The following IARS1 variants were observed in gnomAD, a reference collection of about 807,000 sequenced individuals.
IARS1 encodes isoleucyl-tRNA synthetase 1.
Under a neutral mutation model 168.2 loss-of-function variants are expected in IARS1, and 124 were observed. The ratio of observed to expected loss-of-function variants is 0.74; its 90% CI spans 0.64 to 0.86. The LOEUF (loss-of-function observed/expected upper bound fraction) is 0.86. Ranked by LOEUF, IARS1 falls within the 40% of genes least tolerant of loss-of-function variation. The probability of loss-of-function intolerance (pLI) is 0.00; values close to 1 mark genes in which losing one functional copy is unlikely to be tolerated. For synonymous variants in IARS1, 532 were observed against 529.4 expected (o/e 1.00, Z -0.07); for missense variants, 1,452 against 1,515.8 (o/e 0.96, Z 0.70).
chr9:92,222,839 C>T (rs1839868279), intron 32 of IARS1, among the ~76,000 whole-genome samples, 167 bp from the exon 33 acceptor site: 4 of 150,650 alleles, frequency 2.7e-5, no homozygotes, highest in Admixed American at 2.6e-4. Flanking sequence ...CAGCTCTCAA[C>T]ATTTCATAGA....
At chr9:92,240,072 A>G (rs1157007329) in intron 30 of IARS1, among the ~76,000 whole-genome samples, 1 of 152,058 alleles carries the variant, frequency 6.6e-6, no homozygotes, top group East Asian at 1.9e-4. Context: ...TACTACTTTT[A>G]GGTCACTTGG....
chr9:92,269,788 A>C (rs1436390326), intron 13 of IARS1, 97 bp downstream of exon 13: 11 of 765,518 alleles, frequency 1.4e-5, no homozygotes, highest in Non-Finnish European at 2.3e-5. Context: ...ACCCAATAAA[A>C]GATGGGTTAT....
At chr9:92,277,648 C>G (rs1326264540) in intron 9 of IARS1, among the ~76,000 whole-genome samples, 2 of 149,474 alleles carry the variant, frequency 1.3e-5, no homozygotes, top group African/African-American at 5.0e-5. Context: ...GCACTCCAGC[C>G]TGGGGGACAG....
intron 33 of IARS1, among the ~76,000 whole-genome samples, chr9:92,221,168 T>C (rs1447543869): frequency 6.6e-6 from 1 of 151,954 alleles, no homozygotes. Flanking sequence ...ATCCAGAATG[T>C]AGTATATAAG....
intron 33 of IARS1, among the ~76,000 whole-genome samples, chr9:92,212,304 G>A (rs1837893157): frequency 6.6e-6 from 1 of 152,054 alleles, no homozygotes. Context: ...TGAAAACGAA[G>A]CTATAGATAC....
chr9:92,236,807 T>C (rs145216558), intron 30 of IARS1, among the ~76,000 whole-genome samples: 1 of 152,204 alleles, frequency 6.6e-6, no homozygotes, highest in South Asian at 2.1e-4. Context: ...TGAGTTGGCA[T>C]CACTGCACTG....
intron 19 of IARS1, among the ~76,000 whole-genome samples, chr9:92,258,192 GCTCT>G (rs914130914): frequency 1.3e-5 from 2 of 152,276 alleles, no homozygotes; most frequent in Non-Finnish European, 2.9e-5. Flanking sequence ...TTCACTGGGT[GCTCT>G]CTCTAAAAGT....
intron 18 of IARS1, 59 bp downstream of exon 18, chr9:92,260,092 T>C (rs41312194): frequency 0.021 from 22,875 of 1,094,404 alleles, 332 homozygotes; most frequent in Non-Finnish European, 0.024. Flanking sequence ...ATTAATAGTA[T>C]AGGAGATGCT....
intron 7 of IARS1, among the ~76,000 whole-genome samples, chr9:92,279,227 C>A (rs1402249428): frequency 1.3e-5 from 2 of 151,642 alleles, no homozygotes; most frequent in Non-Finnish European, 2.9e-5. Context: ...CACTCCCTAG[C>A]TCTGACCTCA....
chr9:92,265,069 G>A lies in IARS1; in HGVS notation c.1560C>T (p.Ile520=), dbSNP rs1449290480. The change falls in exon 16 of 34, where the codon ATC becomes ATT. Residue 520 remains isoleucine (I), a synonymous_variant. Coordinates refer to ENST00000443024, the MANE Select transcript of IARS1 (RefSeq NM_002161.6). ...CAAACCAACAGTCAAACACTTCAGA[G>A]ATGCGGTGCAAGGATCCCTTCCCAC... ...SRCGKGSLHR[I]SEVFDCWFES... The A allele has an allele frequency of 1.2e-6, 2 of 1,614,146 alleles. No homozygotes were observed. Among genetic ancestry groups the A allele is most frequent in the Non-Finnish European group, 1.7e-6 (2 of 1,180,028 alleles).
chr9:92,210,601 T>C lies in IARS1; in HGVS notation c.*206A>G. 1 of 497,140 alleles carries C rather than the reference T, an allele frequency of 2.0e-6. No homozygotes were observed. The highest frequency in any genetic ancestry group is 3.6e-6 in the Non-Finnish European group (1 of 274,830). 30.8% of individuals were successfully genotyped at this position (497,140 alleles called of 1,614,324 possible). ...CCTGCTCCCAACATGACTGCATAGG[T>C]GTCTAAGGTTAAGTGTGAAGATTAC... On this transcript the variant is annotated 3_prime_UTR_variant, in exon 34 of 34. Coordinates refer to ENST00000443024, the MANE Select transcript of IARS1 (RefSeq NM_002161.6).
At chr9:92,269,330 T>A (rs1229339417) in intron 13 of IARS1, among the ~76,000 whole-genome samples, 3 of 152,160 alleles carry the variant, frequency 2.0e-5, no homozygotes, top group Non-Finnish European at 2.9e-5. Flanking sequence ...TCATCTGAAA[T>A]ACACAGGTTC....
chr9:92,269,913 G>C lies in IARS1; in HGVS notation c.1276C>G (p.Leu426Val). Residue 426 changes from leucine to valine, a missense_variant, in exon 13 of 34, where the codon CTC becomes GTC. By Grantham distance (32) the Leu-to-Val change is conservative (BLOSUM62 1). Coordinates refer to ENST00000443024, the MANE Select transcript of IARS1 (RefSeq NM_002161.6). Reference protein sequence around the residue: ...FVRVENMVDQLLRNNDLCYWV... With the variant: ...FVRVENMVDQVLRNNDLCYWV... ...TAGCACAGGTCATTGTTCCTTAGGAGCTGGTCCACCATGTTCTCCACTCGC... is the reference window on the plus strand; with the variant it reads ...TAGCACAGGTCATTGTTCCTTAGGACCTGGTCCACCATGTTCTCCACTCGC... The C allele has an allele frequency of 6.2e-7, 1 of 1,613,418 alleles. No individual in the cohort carries two copies.
intron 4 of IARS1, among the ~76,000 whole-genome samples, chr9:92,286,868 C>T (rs1218938381): frequency 1.3e-5 from 2 of 152,172 alleles, no homozygotes; most frequent in Non-Finnish European, 2.9e-5. Context: ...ACCAAAACCA[C>T]CACTTGGCAA....
At chr9:92,273,727 G>C (rs1266498321) in intron 10 of IARS1, among the ~76,000 whole-genome samples, 1 of 152,224 alleles carries the variant, frequency 6.6e-6, no homozygotes, top group Admixed American at 6.5e-5. Flanking sequence ...AAGCATGAAA[G>C]CAAAATGGCA....
Position 92,260,216 on chromosome 9 carries a change from G to A in IARS1, c.1806C>T (p.Ser602=). 3 of 1,613,892 alleles carry A rather than the reference G, an allele frequency of 1.9e-6. No individual in the cohort carries two copies. The highest frequency in any genetic ancestry group is 2.5e-6 in the Non-Finnish European group (3 of 1,179,772). The part of the protein sequence containing the change: ...LVLASDGQKM[S]KRKKNYPDPV... Reference sequence around the variant, plus strand: ...GATCTGGATAATTCTTTTTCCGTTTGCTCATTTTTTGGCCATCACTTGTAA... The same window carrying A: ...GATCTGGATAATTCTTTTTCCGTTTACTCATTTTTTGGCCATCACTTGTAA... Residue 602 remains serine, a synonymous_variant, in exon 18 of 34, where the codon AGC becomes AGT. Transcript: ENST00000443024.
At chr9:92,283,677 C>T (rs1386421026) in intron 6 of IARS1, among the ~76,000 whole-genome samples, 1 of 151,948 alleles carries the variant, frequency 6.6e-6, no homozygotes, top group African/African-American at 2.4e-5. Context: ...TACTCTGACT[C>T]GATAATTCCA....
At chr9:92,271,407 C>A in intron 11 of IARS1, 126 bp downstream of exon 11, 1 of 1,196,606 alleles carries the variant, frequency 8.4e-7, no homozygotes, top group South Asian at 1.3e-5. Flanking sequence ...TCTGTCTTTA[C>A]GGATTTCATG....
chr9:92,226,812 T>G (rs1825769636), intron 31 of IARS1, among the ~76,000 whole-genome samples: 1 of 151,834 alleles, frequency 6.6e-6, no homozygotes, highest in African/African-American at 2.4e-5. Context: ...ACCTTCTTTT[T>G]TTTTTTTTTT....
Sources: allele counts gnomAD v4.1 joint callset (sites outside exome capture counted in the v4.1 genomes callset), GRCh38; gene constraint gnomAD v4.1.1; transcripts MANE v1.5; gene names NCBI Gene and HGNC (gene_info 2026-07-23, HGNC 2026-07-21).